Variants in CASZ1 observed in about 807,000 individuals in gnomAD.
CASZ1 encodes castor zinc finger 1, also known as zinc finger protein castor homolog 1.
A neutral mutation model predicts 135.2 loss-of-function variants in CASZ1; 28 were observed. The observed-to-expected ratio is 0.21, with a 90% CI of 0.15 to 0.28. CASZ1 has a LOEUF of 0.28. CASZ1 is among the 10% of genes least tolerant of loss of function. The pLI, the probability that CASZ1 is intolerant of heterozygous loss-of-function variation, is 1.00. For synonymous variants in CASZ1, 1,068 were observed against 1,073.4 expected, an observed-to-expected ratio of 0.99 and a Z score of 0.10; for missense variants, 2,161 against 2,453.3, an observed-to-expected ratio of 0.88 and a Z score of 2.52.
In CASZ1 at chr1:10,721,301, AC is replaced by A. The variant is rs1438758697; in HGVS notation, c.-76-15758del. Among the ~76,000 whole-genome samples, 2 of 152,010 alleles carry A rather than the reference AC, an allele frequency of 1.3e-5. No homozygotes were observed. The highest frequency in any genetic ancestry group is 1.9e-4 in the East Asian group (1 of 5,182). ...ACCCCCTGATCTTAGGGAAAAAAAA[AC>A]CCATCAAAATAACTATTTTATGTCT... On this transcript the variant is annotated intron_variant, in intron 2 of 20. Coordinates refer to ENST00000377022, the MANE Select transcript of CASZ1 (RefSeq NM_001079843.3). This position sits in a 1 kb window ranked among gnomAD's most constrained non-coding sequence, Gnocchi z 5.4.
chr1:10,639,272 G>A lies in CASZ1; in HGVS notation c.4950C>T (p.Gly1650=). The A allele has an allele frequency of 9.3e-7, 1 of 1,076,132 alleles. No homozygotes were observed. The highest frequency in any genetic ancestry group is 1.1e-6 in the Non-Finnish European group (1 of 883,516). 66.7% of individuals were successfully genotyped at this position (1,076,132 alleles called of 1,614,324 possible). ...GLALGDAGDP[G]PPDAAAPGPR... is the part of the protein sequence containing the mutation. ...GCCCGGGGGCGGCGGCGTCGGGCGG[G>A]CCGGGGTCGCCCGCGTCGCCCAGCG... The change falls in exon 21 of 21, where the codon GGC becomes GGT. Residue 1650 remains glycine (G), a synonymous_variant. Transcript: ENST00000377022. The surrounding 1 kb of genome is among the most constrained non-coding windows in gnomAD (Gnocchi z 4.0).
At chr1:10,782,714 G>A (rs1365251060) in intron 1 of CASZ1, among the ~76,000 whole-genome samples, 1 of 152,144 alleles carries the variant, frequency 6.6e-6, no homozygotes, top group Non-Finnish European at 1.5e-5. Context: ...ACTCATTCGG[G>A]ATCGCTGGCG....
rs768892281 is a variant in CASZ1 at position 10,706,139 on chromosome 1, AC to A, written c.-76-596del. On this transcript the variant is annotated intron_variant, in intron 2 of 20. Transcript: ENST00000377022. The surrounding 1 kb of genome is among the most constrained non-coding windows in gnomAD (Gnocchi z 4.3). ...ACAGCACCTTCCACCCCGGGGTCCT[AC>A]CCATGAGTCATCACAGCCCATGTCC... 7.9e-5 allele frequency among the ~76,000 whole-genome samples: 12 copies of A among 152,210 alleles called. No individual in the cohort carries two copies. The highest frequency in any genetic ancestry group is 1.8e-4 in the Non-Finnish European group (12 of 68,026).
rs768218633 is a variant in CASZ1 at position 10,648,142 on chromosome 1, G to GC, written c.3159-4dup. The GC allele has an allele frequency of 7.3e-6, 11 of 1,501,570 alleles. No homozygotes were observed. Among genetic ancestry groups the GC allele is most frequent in the African/African-American group, 4.2e-5 (3 of 71,198 alleles). The allele number at this position is 1,501,570 out of a possible 1,614,324, so 93.0% of individuals were successfully genotyped here. A position where few individuals can be genotyped will look rare whatever the true frequency, so the allele number is the denominator to read the frequency against. ...CTCCCTCTGTCCGGAAGTGGAAGCT[G>GC]CGAGAGGTAGAAGAGGGGGTCTCAT... On this transcript the variant is annotated splice_region_variant and splice_polypyrimidine_tract_variant and intron_variant, in intron 15 of 20. Coordinates refer to ENST00000377022, the MANE Select transcript of CASZ1 (RefSeq NM_001079843.3).
rs1464285250 is a variant in CASZ1, at chr1:10,638,332, C to T, written c.*610G>A. ...GGCGGAGGCTGGGGCCAGGGAGTCG[C>T]CAAACAGACCCGACCCAGGCCTGGG... On this transcript the variant is annotated 3_prime_UTR_variant, in exon 21 of 21. Coordinates refer to ENST00000377022, the MANE Select transcript of CASZ1 (RefSeq NM_001079843.3). The surrounding 1 kb of genome is among the most constrained non-coding windows in gnomAD (Gnocchi z 5.9). 6.6e-6 allele frequency: 1 copy of T among 152,160 alleles called. No homozygotes were observed. The highest frequency in any genetic ancestry group is 1.5e-5 in the Non-Finnish European group (1 of 68,022). 9.4% of individuals were successfully genotyped at this position (152,160 alleles called of 1,614,324 possible).
intron 2 of CASZ1, among the ~76,000 whole-genome samples, chr1:10,710,668 C>T (rs1323113255): frequency 6.6e-6 from 1 of 152,216 alleles, no homozygotes; most frequent in Non-Finnish European, 1.5e-5. Context: ...ACAGGCACGT[C>T]GCCAACAGAT....
At position 10,724,817 on chromosome 1, in the gene CASZ1, G is replaced by A. The variant is rs909106029; in HGVS notation, c.-76-19273C>T. The stretch of plus-strand genomic sequence containing the variant: ...AGGTGGGGGGCTGGCTGGGAGCCTC[G>A]GAGGATGACATAAGGGGGACACAGC... On this transcript the variant is annotated intron_variant, in intron 2 of 20. Transcript: ENST00000377022. This position sits in a 1 kb window ranked among gnomAD's most constrained non-coding sequence, Gnocchi z 4.1. Among the ~76,000 whole-genome samples, 3 of 152,206 alleles carry A rather than the reference G, an allele frequency of 2.0e-5. No individual in the cohort carries two copies. The highest frequency in any genetic ancestry group is 4.4e-5 in the Non-Finnish European group (3 of 68,026).
Position 10,665,875 on chromosome 1 carries a change from G to A in CASZ1, c.17-304C>T, listed in dbSNP as rs534986458. ...GAATGCCTCTTCAACTACAAGGGGC[G>A]CCCAGGTCCTGGAGGCATTTCCTAG... On this transcript the variant is annotated intron_variant, in intron 4 of 20. Coordinates refer to ENST00000377022, the MANE Select transcript of CASZ1 (RefSeq NM_001079843.3). Among the ~76,000 whole-genome samples the A allele has an allele frequency of 3.9e-5, 6 of 152,290 alleles. No homozygotes were observed. In the East Asian group the frequency reaches 5.8e-4, roughly 15 times the overall value.
chr1:10,796,405 C>G (rs61645034), intron 1 of CASZ1, among the ~76,000 whole-genome samples, 159 bp downstream of exon 1: 8,154 of 150,290 alleles, frequency 0.054, 771 homozygotes, highest in African/African-American at 0.19. Flanking sequence ...CTGGCTGGCT[C>G]GCTCGCTCGC....
In CASZ1 at chr1:10,646,546, G is replaced by C. The variant is rs1642369145; in HGVS notation, c.3498-220C>G. Among the ~76,000 whole-genome samples the C allele has an allele frequency of 2.0e-5, 3 of 152,222 alleles. No homozygotes were observed. ...TTTAGGAGCTCTGCATGGTGCACAG[G>C]GATTGCAATATGCAGGGTGCCCAGA... On this transcript the variant is annotated intron_variant, in intron 16 of 20. Transcript: ENST00000377022. This position sits in a 1 kb window ranked among gnomAD's most constrained non-coding sequence, Gnocchi z 6.4.
chr1:10,723,808 A>G (rs1209161355), intron 2 of CASZ1, among the ~76,000 whole-genome samples: 3 of 151,936 alleles, frequency 2.0e-5, no homozygotes, highest in African/African-American at 7.3e-5. Flanking sequence ...ATTTCCCTCT[A>G]ACTCCCCCTG....
intron 5 of CASZ1, among the ~76,000 whole-genome samples, chr1:10,663,117 C>T (rs947995167): frequency 4.6e-5 from 7 of 152,208 alleles, no homozygotes; most frequent in African/African-American, 1.7e-4. Context: ...AAGCCAGCCA[C>T]GTGGGCACAC....
At chr1:10,695,013 G>T (rs1442154661) in intron 3 of CASZ1, among the ~76,000 whole-genome samples, 4 of 148,918 alleles carry the variant, frequency 2.7e-5, no homozygotes, top group Admixed American at 6.7e-5. Flanking sequence ...CCGCGAGGGC[G>T]GGCGCAGGTG....
chr1:10,792,859 AAAAT>A (rs1258579212), intron 1 of CASZ1, among the ~76,000 whole-genome samples: 4 of 152,122 alleles, frequency 2.6e-5, no homozygotes, highest in Non-Finnish European at 4.4e-5. Flanking sequence ...TTTTCCCCAA[AAAAT>A]AAATAAATAA....
chr1:10,791,716 C>A (rs1640958357), intron 1 of CASZ1, among the ~76,000 whole-genome samples: 1 of 144,126 alleles, frequency 6.9e-6, no homozygotes, highest in African/African-American at 2.5e-5. Context: ...TGTCACTGGG[C>A]TAAAAAAAGA....
chr1:10,795,893 C>G (rs2100644769), intron 1 of CASZ1, among the ~76,000 whole-genome samples: 1 of 152,296 alleles, frequency 6.6e-6, no homozygotes, highest in East Asian at 1.9e-4. Flanking sequence ...CACTGCCTAC[C>G]TCTGCTGGCA....
chr1:10,650,459 G>A, intron 13 of CASZ1: 1 of 417,746 alleles, frequency 2.4e-6, no homozygotes, highest in Non-Finnish European at 4.2e-6. Context: ...CCATCTGAAG[G>A]GAAAAAAAGG....
intron 7 of CASZ1, 65 bp from the exon 8 acceptor site, chr1:10,656,801 C>G: frequency 9.1e-7 from 1 of 1,097,450 alleles, no homozygotes; most frequent in Non-Finnish European, 1.3e-6. Flanking sequence ...CAGCCCCAGC[C>G]CCAGCCCCAG....
chr1:10,662,804 C>T (rs1209977740), intron 5 of CASZ1, among the ~76,000 whole-genome samples: 1 of 152,196 alleles, frequency 6.6e-6, no homozygotes, highest in Non-Finnish European at 1.5e-5. Context: ...TCCCTAGCCG[C>T]CTTCCTGCCT....
Sources: allele counts gnomAD v4.1 joint callset (sites outside exome capture counted in the v4.1 genomes callset), GRCh38; gene constraint gnomAD v4.1.1; non-coding constraint Gnocchi (gnomAD v3.1); transcripts MANE v1.5; gene names NCBI Gene and HGNC (gene_info 2026-07-23, HGNC 2026-07-21).